Variants in RELN observed in about 807,000 individuals in gnomAD.
RELN encodes the protein reelin.
Under a neutral mutation model 427.6 loss-of-function variants are expected in RELN, and 108 were observed. The observed-to-expected ratio is 0.25, with a 90% CI of 0.22 to 0.30. RELN has a LOEUF of 0.30. Among genes scored for constraint, RELN ranks in the 10% least tolerant of loss-of-function variants. The pLI is 1.00. For missense variants in RELN, 3,715 were observed against 4,302.8 expected (o/e 0.86, Z 3.82); for synonymous variants, 1,524 against 1,513.4 (o/e 1.01, Z -0.16).
chr7:103,694,467 A>AGATGATGATGATGATGAT (rs139140239), intron 10 of RELN, among the ~76,000 whole-genome samples: 87 of 148,796 alleles, frequency 5.8e-4, no homozygotes, highest in African/African-American at 1.7e-3. Context: ...CAGTTAAATG[A>AGATGATGATGATGATGAT]GATGATGATG....
intron 4 of RELN, among the ~76,000 whole-genome samples, chr7:103,769,004 A>T (rs1400751131): frequency 3.3e-5 from 5 of 152,344 alleles, no homozygotes; most frequent in Admixed American, 6.5e-5. Flanking sequence ...ATACATTTTT[A>T]AAAAATTAAA....
chr7:103,721,371 G>A (rs902927161), intron 8 of RELN, among the ~76,000 whole-genome samples: 3 of 151,912 alleles, frequency 2.0e-5, no homozygotes, highest in African/African-American at 7.3e-5. Flanking sequence ...AGGCTTGTGG[G>A]GAGACCAAGG....
At chr7:103,761,069 A>G (rs887214567) in intron 4 of RELN, among the ~76,000 whole-genome samples, 1 of 152,232 alleles carries the variant, frequency 6.6e-6, no homozygotes, top group African/African-American at 2.4e-5. Flanking sequence ...GCTAAATTAT[A>G]CACAGAACCA....
intron 8 of RELN, among the ~76,000 whole-genome samples, chr7:103,715,723 G>A (rs145882383): frequency 1.7e-4 from 26 of 152,288 alleles, no homozygotes; most frequent in Admixed American, 4.6e-4. Context: ...CCATAATGGA[G>A]AGAGGGATCC....
At chr7:103,805,441 T>A (rs1792575300) in intron 3 of RELN, among the ~76,000 whole-genome samples, 1 of 152,038 alleles carries the variant, frequency 6.6e-6, no homozygotes, top group Non-Finnish European at 1.5e-5. Flanking sequence ...TGTTGCCAAC[T>A]TTCAGATTTG....
At chr7:103,535,538 C>A in intron 45 of RELN, 54 bp from the exon 46 acceptor site, 3 of 1,503,202 alleles carry the variant, frequency 2.0e-6, no homozygotes, top group South Asian at 1.1e-5. Flanking sequence ...GACCCAGGAA[C>A]CATAATTGTT....
Position 103,651,652 on chromosome 7 carries a change from T to C in RELN, c.1892+9A>G, listed in dbSNP as rs201307509. ...AAGTATTTCAATATCTCAGAGAGAATGTACTCACCCACTGTAGTTTTCAGA... is the reference window on the plus strand; with the variant it reads ...AAGTATTTCAATATCTCAGAGAGAACGTACTCACCCACTGTAGTTTTCAGA... On this transcript the variant is annotated intron_variant, in intron 15 of 64. Coordinates refer to ENST00000428762, the MANE Select transcript of RELN (RefSeq NM_005045.4). 29 of 1,610,402 alleles carry C rather than the reference T, an allele frequency of 1.8e-5. No individual in the cohort carries two copies. Among genetic ancestry groups the C allele is most frequent in the Non-Finnish European group, 2.4e-5 (28 of 1,177,228 alleles).
At chr7:103,647,516 A>G (rs765570363) in intron 16 of RELN, among the ~76,000 whole-genome samples, 3 of 148,920 alleles carry the variant, frequency 2.0e-5, no homozygotes, top group Admixed American at 6.8e-5. Flanking sequence ...TCTCTACAAG[A>G]GAAACTATGA....
chr7:103,497,760 G>C, intron 55 of RELN, 60 bp downstream of exon 55: 2 of 1,334,446 alleles, frequency 1.5e-6, no homozygotes, highest in Middle Eastern at 1.8e-4. Flanking sequence ...ACTTTTCTGA[G>C]GGTGTTGGAT....
chr7:103,580,271 C>T (rs1298682125), intron 28 of RELN, among the ~76,000 whole-genome samples: 2 of 152,222 alleles, frequency 1.3e-5, no homozygotes, highest in Non-Finnish European at 2.9e-5. Flanking sequence ...GGAGCAACAA[C>T]AGCTCATTTA....
chr7:103,511,851 T>C (rs1268212007), intron 50 of RELN, among the ~76,000 whole-genome samples: 1 of 152,036 alleles, frequency 6.6e-6, no homozygotes, highest in African/African-American at 2.4e-5. Flanking sequence ...CTCTAAAAAA[T>C]TTGTTTTAAA....
chr7:103,941,368 G>T (rs1031973886), intron 1 of RELN, among the ~76,000 whole-genome samples: 1 of 152,104 alleles, frequency 6.6e-6, no homozygotes, highest in African/African-American at 2.4e-5. Flanking sequence ...CGAAGGGCAT[G>T]GAAGAATACA....
At chr7:103,605,408 T>C (rs1831794193) in intron 22 of RELN, among the ~76,000 whole-genome samples, 1 of 152,198 alleles carries the variant, frequency 6.6e-6, no homozygotes, top group Admixed American at 6.5e-5. Context: ...AATTAAACAG[T>C]TCATTACACA....
chr7:103,720,411 A>G (rs1790046832), intron 8 of RELN, among the ~76,000 whole-genome samples: 1 of 152,108 alleles, frequency 6.6e-6, no homozygotes, highest in Non-Finnish European at 1.5e-5. Context: ...CCCAATTATG[A>G]ACATAATTGA....
At chr7:103,516,521 C>T (rs957944350) in intron 49 of RELN, among the ~76,000 whole-genome samples, 4 of 152,070 alleles carry the variant, frequency 2.6e-5, no homozygotes, top group Admixed American at 2.0e-4. Context: ...CTCCTGACCT[C>T]GGGTGATCCA....
At chr7:103,599,396 T>C (rs763928836) in intron 24 of RELN, among the ~76,000 whole-genome samples, 3 of 152,206 alleles carry the variant, frequency 2.0e-5, no homozygotes, top group Non-Finnish European at 4.4e-5. Context: ...TTCTGATTTC[T>C]TGTCAAGCCC....
intron 1 of RELN, among the ~76,000 whole-genome samples, chr7:103,927,679 G>C (rs554352043): frequency 1.8e-4 from 28 of 152,172 alleles, no homozygotes; most frequent in African/African-American, 6.5e-4. Flanking sequence ...TTACAGCATG[G>C]CACTTAGTAC....
intron 33 of RELN, 84 bp downstream of exon 33, chr7:103,566,140 A>G (rs1830745356): frequency 8.0e-7 from 1 of 1,244,584 alleles, no homozygotes; most frequent in Non-Finnish European, 1.2e-6. Flanking sequence ...ACGGTTTTGC[A>G]TTAGAAAGTT....
At chr7:103,978,024 G>A (rs562963520) in intron 1 of RELN, among the ~76,000 whole-genome samples, 2 of 152,154 alleles carry the variant, frequency 1.3e-5, no homozygotes, top group African/African-American at 4.8e-5. Flanking sequence ...ATATTTCTAA[G>A]GAGAAACATT....
Sources: gnomAD v4.1 joint callset for allele counts (sites outside exome capture counted in the v4.1 genomes callset) on GRCh38, gnomAD v4.1.1 for gene constraint, MANE v1.5 for transcripts, NCBI Gene and HGNC (gene_info 2026-07-23, HGNC 2026-07-21) for gene names.